CLEC16A: variants seen among roughly 807,000 people sequenced by gnomAD.
CLEC16A encodes the protein C-type lectin domain containing 16A, also known as protein CLEC16A.
Under a neutral mutation model 109.5 loss-of-function variants are expected in CLEC16A, and 51 were observed. That is an observed-to-expected ratio of 0.47 (90% CI 0.37 to 0.59). CLEC16A has a LOEUF of 0.59. Among genes scored for constraint, CLEC16A ranks in the 20% least tolerant of loss-of-function variants. CLEC16A has a pLI of 0.00. For synonymous variants in CLEC16A, 673 were observed against 564.2 expected, an observed-to-expected ratio of 1.19 and a Z score of -2.73; for missense variants, 1,339 against 1,394.0, an observed-to-expected ratio of 0.96 and a Z score of 0.63.
At chr16:10,978,515 G>T (rs1292158698) in intron 8 of CLEC16A, among the ~76,000 whole-genome samples, 2 of 152,162 alleles carry the variant, frequency 1.3e-5, no homozygotes, top group African/African-American at 2.4e-5. Context: ...CAGGTGATAC[G>T]CCTGCCTCGG....
chr16:11,043,603 G>C (rs1365120031), intron 15 of CLEC16A, among the ~76,000 whole-genome samples: 1 of 152,056 alleles, frequency 6.6e-6, no homozygotes, highest in Non-Finnish European at 1.5e-5. Context: ...GGTGGCTCGT[G>C]CCTGTAATCC....
intron 22 of CLEC16A, chr16:11,150,376 T>TACAGATTTCACACATTCCTTTTCA (rs1469308492): frequency 6.6e-6 from 1 of 152,248 alleles, no homozygotes; most frequent in Admixed American, 6.5e-5. Context: ...TGTTAGCACT[T>TACAGATTTCACACATTCCTTTTCA]ACAGATTTCA....
chr16:11,008,691 G>A (rs1242730190), intron 11 of CLEC16A, among the ~76,000 whole-genome samples: 2 of 151,802 alleles, frequency 1.3e-5, no homozygotes, highest in Non-Finnish European at 2.9e-5. Flanking sequence ...GCACATTTCA[G>A]TAGTGTTAAG....
At chr16:11,044,401 G>T (rs898069016) in intron 16 of CLEC16A, among the ~76,000 whole-genome samples, 1 of 152,098 alleles carries the variant, frequency 6.6e-6, no homozygotes, top group Non-Finnish European at 1.5e-5. Context: ...AATTATATAT[G>T]ATGCACTTAT....
chr16:11,097,897 C>T (rs1196529800), intron 19 of CLEC16A, among the ~76,000 whole-genome samples: 1 of 152,194 alleles, frequency 6.6e-6, no homozygotes, highest in Non-Finnish European at 1.5e-5. Flanking sequence ...CAGGGTATGA[C>T]CTTGGGCAGG....
chr16:10,987,164 G>GT (rs888880782), intron 10 of CLEC16A, among the ~76,000 whole-genome samples: 35 of 148,796 alleles, frequency 2.4e-4, no homozygotes, highest in Middle Eastern at 3.5e-3. Flanking sequence ...CTTTTATGCA[G>GT]TTTTTTTTTT....
At chr16:11,051,974 TC>T (rs1429271537) in intron 18 of CLEC16A, among the ~76,000 whole-genome samples, 4 of 152,140 alleles carry the variant, frequency 2.6e-5, no homozygotes, top group Non-Finnish European at 5.9e-5. Flanking sequence ...GCACGGTACA[TC>T]CAGTGCAGGT....
At chr16:11,141,188 A>C (rs966514780) in intron 22 of CLEC16A, among the ~76,000 whole-genome samples, 9 of 152,240 alleles carry the variant, frequency 5.9e-5, no homozygotes, top group Non-Finnish European at 1.2e-4. Flanking sequence ...TATTCTAGCC[A>C]GTGCTTTTGG....
intron 22 of CLEC16A, among the ~76,000 whole-genome samples, chr16:11,127,611 T>TA (rs1325410745): frequency 6.6e-6 from 1 of 152,260 alleles, no homozygotes; most frequent in Non-Finnish European, 1.5e-5. Context: ...CTCATGCCAG[T>TA]AATCCTAGCA....
intron 11 of CLEC16A, among the ~76,000 whole-genome samples, chr16:11,006,544 A>ACACCTT (rs2045026258): frequency 6.6e-6 from 1 of 152,126 alleles, no homozygotes; most frequent in African/African-American, 2.4e-5. Flanking sequence ...ACTCTTAAGG[A>ACACCTT]AAGAGATGCT....
chr16:11,099,540 T>C (rs1269608290), intron 19 of CLEC16A, among the ~76,000 whole-genome samples: 1 of 152,240 alleles, frequency 6.6e-6, no homozygotes, highest in East Asian at 1.9e-4. Context: ...TTTCCATCAA[T>C]GCAGAAAGTC....
chr16:11,129,762 C>CTT (rs34035128), intron 22 of CLEC16A, among the ~76,000 whole-genome samples: 47 of 125,542 alleles, frequency 3.7e-4, no homozygotes, highest in East Asian at 1.5e-3. Flanking sequence ...GGCCTGGTTC[C>CTT]TTTTTTTTTT....
chr16:11,047,548 G>T, intron 17 of CLEC16A: 1 of 407,546 alleles, frequency 2.5e-6, no homozygotes. Flanking sequence ...AACATGGGAG[G>T]TGTCCGATGA....
chr16:11,126,454 A>T, intron 22 of CLEC16A: 1 of 1,277,386 alleles, frequency 7.8e-7, no homozygotes, highest in Non-Finnish European at 1.0e-6. Context: ...ATTAGTGCTG[A>T]AGTTGTGGGA....
chr16:11,109,618 G>A (rs868425178), intron 19 of CLEC16A, among the ~76,000 whole-genome samples: 13 of 152,130 alleles, frequency 8.5e-5, no homozygotes, highest in African/African-American at 2.4e-4. Flanking sequence ...GCGCAGACTC[G>A]GGAATAGAAA....
intron 9 of CLEC16A, among the ~76,000 whole-genome samples, chr16:10,981,229 A>G (rs969677739): frequency 1.3e-5 from 2 of 152,252 alleles, no homozygotes; most frequent in African/African-American, 4.8e-5. Context: ...GCATTCATTC[A>G]AGGTACGTAA....
At chr16:10,981,032 T>C (rs1467853543) in intron 9 of CLEC16A, among the ~76,000 whole-genome samples, 2 of 152,170 alleles carry the variant, frequency 1.3e-5, no homozygotes. Context: ...TTTTTGAGTC[T>C]GGCCTGCACG....
chr16:11,146,883 C>T (rs946176750), intron 22 of CLEC16A, among the ~76,000 whole-genome samples: 1 of 152,078 alleles, frequency 6.6e-6, no homozygotes, highest in Non-Finnish European at 1.5e-5. Context: ...ACACATCAGC[C>T]CCTTTGGAGC....
At chr16:11,127,885 A>G (rs945558101) in intron 22 of CLEC16A, among the ~76,000 whole-genome samples, 3 of 152,126 alleles carry the variant, frequency 2.0e-5, no homozygotes, top group African/African-American at 7.2e-5. Context: ...GAAAAGAAAA[A>G]AATAATCTTA....
Sources: gnomAD v4.1 joint callset for allele counts (sites outside exome capture counted in the v4.1 genomes callset) on GRCh38, gnomAD v4.1.1 for gene constraint, MANE v1.5 for transcripts, NCBI Gene and HGNC (gene_info 2026-07-23, HGNC 2026-07-21) for gene names.